Variants in TBC1D7 observed in about 807,000 individuals in gnomAD.
TBC1D7 encodes the protein TBC domain family 7.
A neutral mutation model predicts 35.3 loss-of-function variants in TBC1D7; 33 were observed. That is an observed-to-expected ratio of 0.93 (90% CI 0.71 to 1.25). The LOEUF is 1.25. Among genes scored for constraint, TBC1D7 ranks in the 50% most tolerant of loss-of-function variants. The pLI is 0.00. For missense variants in TBC1D7, 362 were observed against 365.3 expected, an observed-to-expected ratio of 0.99 and a Z score of 0.07; for synonymous variants, 135 against 129.5, an observed-to-expected ratio of 1.04 and a Z score of -0.29.
Position 13,326,850 on chromosome 6 carries a change from C to T in TBC1D7, c.49G>A (p.Val17Met). 1 of 1,613,328 alleles carries T rather than the reference C, an allele frequency of 6.2e-7. No homozygotes were observed. ...TTTTCTTCAACTCCACGAAACCCCACTTTCTCATAATATACTGAACGAAAG... is the reference window on the plus strand; with the variant it reads ...TTTTCTTCAACTCCACGAAACCCCATTTTCTCATAATATACTGAACGAAAG... ...RNFRSVYYEK[V>M]GFRGVEEKKS... Residue 17 changes from valine (V) to methionine (M), a missense_variant, in exon 2 of 8, where the codon GTG becomes ATG. Physicochemically the swap from Val to Met is conservative, Grantham distance 21. Transcript: ENST00000379300.
intron 5 of TBC1D7, among the ~76,000 whole-genome samples, chr6:13,311,569 G>A (rs1783214244): frequency 6.6e-6 from 1 of 152,168 alleles, no homozygotes; most frequent in Admixed American, 6.5e-5. Context: ...AAATCAAACA[G>A]CAAGCAACAC....
chr6:13,309,327 T>C (rs563086919), intron 5 of TBC1D7, among the ~76,000 whole-genome samples: 1 of 152,322 alleles, frequency 6.6e-6, no homozygotes, highest in Non-Finnish European at 1.5e-5. Context: ...AAACTATGTA[T>C]TGTCTTTTTC....
intron 7 of TBC1D7, among the ~76,000 whole-genome samples, chr6:13,305,449 A>G (rs1481185188): frequency 6.6e-6 from 1 of 152,182 alleles, no homozygotes; most frequent in South Asian, 2.1e-4. Context: ...TCAGATCCCC[A>G]TCTCTAAAAT....
At chr6:13,313,031 T>C (rs1226194472) in intron 5 of TBC1D7, among the ~76,000 whole-genome samples, 1 of 152,156 alleles carries the variant, frequency 6.6e-6, no homozygotes, top group Non-Finnish European at 1.5e-5. Flanking sequence ...TAATACAGTA[T>C]AACAACTATT....
rs766109886 is a variant in TBC1D7 at position 13,316,600 on chromosome 6, T to C, written c.490A>G (p.Thr164Ala). 8 of 1,612,728 alleles carry C rather than the reference T, an allele frequency of 5.0e-6. No homozygotes were observed. The South Asian group carries it at 7.7e-5, about 16-fold the overall frequency. Residue 164 changes from threonine (T) to alanine (A), a missense_variant, in exon 5 of 8, where the codon ACC becomes GCC. Transcript: ENST00000379300. ...ITRRFVNQLN[T>A]KYRDSLPQLP... ...TGGGGCAAGGAATCCCGGTACTTGG[T>C]ATTTAATTGGTTCACAAAGCGTCGG...
intron 3 of TBC1D7, among the ~76,000 whole-genome samples, chr6:13,321,354 A>G (rs1784032816): frequency 6.6e-6 from 1 of 152,256 alleles, no homozygotes; most frequent in Admixed American, 6.5e-5. Context: ...AAGCCCTTGA[A>G]TAAGTATGCC....
chr6:13,327,395 T>C (rs903759357), intron 1 of TBC1D7, among the ~76,000 whole-genome samples: 1 of 152,248 alleles, frequency 6.6e-6, no homozygotes, highest in Non-Finnish European at 1.5e-5. Flanking sequence ...TATCTTTAGA[T>C]AGTAGGATTC....
At chr6:13,313,243 GAAAAAAAGTCAACAA>G (rs1783360645) in intron 5 of TBC1D7, among the ~76,000 whole-genome samples, 1 of 151,546 alleles carries the variant, frequency 6.6e-6, no homozygotes, top group Non-Finnish European at 1.5e-5. Flanking sequence ...CTCTTACAAA[GAAAAAAAGTCAACAA>G]AACAATAGCC....
At position 13,305,740 on chromosome 6, in the gene TBC1D7, AG is replaced by A. The variant is rs552407159; in HGVS notation, c.796-554del. 2.4e-5 allele frequency: 4 copies of A among 168,976 alleles called. No individual in the cohort carries two copies. In the South Asian group the frequency reaches 5.0e-4, roughly 21 times the overall value. The allele number at this position is 168,976 out of a possible 1,614,324, so 10.5% of individuals were successfully genotyped here. A position where few individuals can be genotyped will look rare whatever the true frequency, so the allele number is the denominator to read the frequency against. ...TTCTTGCCTGGTAAAGGGTATTCCAAGATACATAGCGAGGGAAAAGTTAATT... is the reference window on the plus strand; with the variant it reads ...TTCTTGCCTGGTAAAGGGTATTCCAAATACATAGCGAGGGAAAAGTTAATT... On this transcript the variant is annotated intron_variant, in intron 7 of 7. Coordinates refer to ENST00000379300, the MANE Select transcript of TBC1D7 (RefSeq NM_016495.6).
chr6:13,314,399 C>T (rs1783452898), intron 5 of TBC1D7, among the ~76,000 whole-genome samples: 1 of 152,120 alleles, frequency 6.6e-6, no homozygotes, highest in Admixed American at 6.5e-5. Context: ...TTTGAGAATG[C>T]ATTCACCATT....
intron 3 of TBC1D7, among the ~76,000 whole-genome samples, chr6:13,323,216 G>A (rs954086984): frequency 2.0e-5 from 3 of 152,126 alleles, no homozygotes; most frequent in Non-Finnish European, 4.4e-5. Flanking sequence ...AGCCGGGCGT[G>A]GGGGTGCGCG....
chr6:13,319,515 C>T (rs1010972901), intron 4 of TBC1D7: 1 of 146,762 alleles, frequency 6.8e-6, no homozygotes, highest in African/African-American at 2.5e-5. Context: ...AAGACTAAGA[C>T]GTGGCAGCTA....
intron 1 of TBC1D7, 68 bp downstream of exon 1, chr6:13,328,228 G>A (rs1784533863): frequency 6.6e-6 from 1 of 152,266 alleles, no homozygotes; most frequent in Admixed American, 6.5e-5. Context: ...GCGTCCACCT[G>A]ATGGGAAAAG....
In TBC1D7 at chr6:13,307,473, G is replaced by A. The variant is rs1261683669; in HGVS notation, c.665+127C>T. The A allele has an allele frequency of 5.6e-6, 5 of 899,876 alleles. No individual in the cohort carries two copies. The East Asian group carries it at 1.2e-4, about 22-fold the overall frequency. The allele number at this position is 899,876 out of a possible 1,614,324, so 55.7% of individuals were successfully genotyped here. ...ATCATGTGCTGTTACGGTAGCTGCT[G>A]GAGGACTGAGCTTCAAATTACTGTA... On this transcript the variant is annotated intron_variant, in intron 6 of 7. Transcript: ENST00000379300.
intron 5 of TBC1D7, among the ~76,000 whole-genome samples, chr6:13,315,534 T>C (rs930026910): frequency 1.3e-5 from 2 of 152,032 alleles, no homozygotes; most frequent in African/African-American, 4.8e-5. Flanking sequence ...ACCAACACGA[T>C]GCAACCCCGT....
intron 5 of TBC1D7, among the ~76,000 whole-genome samples, chr6:13,311,729 T>C (rs1020036977): frequency 2.0e-5 from 3 of 152,198 alleles, no homozygotes; most frequent in African/African-American, 7.2e-5. Context: ...ACATGAAGTG[T>C]CTTGCTGGTT....
At chr6:13,305,218 T>C in intron 7 of TBC1D7, 31 bp from the exon 8 acceptor site, 1 of 1,608,444 alleles carries the variant, frequency 6.2e-7, no homozygotes, top group Non-Finnish European at 8.5e-7. Context: ...CTTTGTGAAA[T>C]TTCAGTGTTG....
At chr6:13,325,994 T>C (rs781778807) in intron 2 of TBC1D7, among the ~76,000 whole-genome samples, 9 of 152,210 alleles carry the variant, frequency 5.9e-5, no homozygotes, top group South Asian at 2.1e-4. Context: ...GACCGCACAA[T>C]TGAAGATCAA....
At chr6:13,307,528 G>C (rs1012416503) in intron 6 of TBC1D7, 72 bp downstream of exon 6, 5 of 1,493,652 alleles carry the variant, frequency 3.3e-6, no homozygotes, top group Non-Finnish European at 4.6e-6. Context: ...TAATCTGAGG[G>C]ATGACCACAT....
Sources: allele counts gnomAD v4.1 joint callset (sites outside exome capture counted in the v4.1 genomes callset), GRCh38; gene constraint gnomAD v4.1.1; transcripts MANE v1.5; gene names NCBI Gene and HGNC (gene_info 2026-07-23, HGNC 2026-07-21).